Variants in MAP7D2 observed in about 807,000 individuals in gnomAD.
MAP7D2 encodes MAP7 domain containing 2, also known as MAP7 domain-containing protein 2.
A neutral mutation model predicts 63.5 loss-of-function variants in MAP7D2; 33 were observed. The ratio of observed to expected loss-of-function variants is 0.52; its 90% CI spans 0.39 to 0.70. MAP7D2 has a LOEUF of 0.70. Among genes scored for constraint, MAP7D2 ranks in the 30% least tolerant of loss-of-function variants. MAP7D2 has a pLI of 0.00. For missense variants in MAP7D2, 626 were observed against 604.0 expected, an observed-to-expected ratio of 1.04 and a Z score of -0.38; for synonymous variants, 224 against 223.7, an observed-to-expected ratio of 1.00 and a Z score of -0.01.
chrX:20,042,613 C>G lies in MAP7D2; in HGVS notation c.896G>C (p.Arg299Pro). 8.3e-7 allele frequency: 1 copy of G among 1,211,548 alleles called. No homozygotes were observed. Among genetic ancestry groups the G allele is most frequent in the Non-Finnish European group, 1.1e-6 (1 of 895,400 alleles). Residue 299 changes from arginine to proline, a missense_variant, in exon 8 of 17, where the codon CGG (arginine) becomes CCG (proline). Coordinates refer to ENST00000379643, the MANE Select transcript of MAP7D2 (RefSeq NM_001168465.2). The stretch of plus-strand genomic sequence containing the variant: ...AAGAGAAGTTGCTGTTCGTTGCCCC[C>G]GCTTCACCTTCTCCACCTGTAGGGG... ...GEASLVEKVKRGQRTATSLPV... is the reference protein window; with the variant it reads ...GEASLVEKVKPGQRTATSLPV...
chrX:20,116,568 G>C, intron 1 of MAP7D2, 182 bp downstream of exon 1: 1 of 952,214 alleles, frequency 1.1e-6, no homozygotes, highest in South Asian at 4.9e-5. Flanking sequence ...CACTCGCACA[G>C]AGAGGGGTGC....
intron 1 of MAP7D2, among the ~76,000 whole-genome samples, chrX:20,098,559 G>A (rs769403761): frequency 9.1e-6 from 1 of 110,425 alleles, no homozygotes; most frequent in African/African-American, 3.3e-5. Flanking sequence ...CTACACGGTG[G>A]GGGGGGGAGC....
chrX:20,051,891 A>G (rs2064961271), intron 5 of MAP7D2, among the ~76,000 whole-genome samples: 1 of 112,442 alleles, frequency 8.9e-6, no homozygotes, highest in Non-Finnish European at 1.9e-5. Flanking sequence ...TATGGCAATG[A>G]ATTAACTTTT....
In MAP7D2 at chrX:20,033,441, G is replaced by C. The variant is rs754951368; in HGVS notation, c.1008-7489C>G. Among the ~76,000 whole-genome samples the C allele has an allele frequency of 6.2e-5, 7 of 112,167 alleles. No homozygotes were observed. The South Asian group carries it at 2.6e-3, about 42-fold the overall frequency. ...GGCCACACTGGATTTCTTTTCTCTA[G>C]GTTATGGGAACAAAGCTATGCTCCA... On this transcript the variant is annotated intron_variant, in intron 8 of 16. Coordinates refer to ENST00000379643, the MANE Select transcript of MAP7D2 (RefSeq NM_001168465.2).
intron 3 of MAP7D2, 47 bp from the exon 4 acceptor site, chrX:20,056,838 C>T (rs747963082): frequency 4.4e-5 from 48 of 1,083,448 alleles, no homozygotes; most frequent in Non-Finnish European, 5.7e-5. Flanking sequence ...AACTACCCAG[C>T]CCCACCACAC....
chrX:20,012,550 A>G lies in MAP7D2; in HGVS notation c.1886-15T>C. On this transcript the variant is annotated splice_polypyrimidine_tract_variant and intron_variant, in intron 14 of 16. Coordinates refer to ENST00000379643, the MANE Select transcript of MAP7D2 (RefSeq NM_001168465.2). ...TCCATTGATTTCTGATCGAGAACAC[A>G]AAGTCCCTTGTGTTAATCATAAAAT... is the stretch of plus-strand genomic sequence containing the variant. The G allele has an allele frequency of 8.7e-7, 1 of 1,151,896 alleles. No individual in the cohort carries two copies. Among genetic ancestry groups the G allele is most frequent in the Non-Finnish European group, 1.2e-6 (1 of 860,216 alleles). The allele number at this position is 1,151,896 out of a possible 1,213,427, so 94.9% of individuals were successfully genotyped here. A position where few individuals can be genotyped will look rare whatever the true frequency, so the allele number is the denominator to read the frequency against.
intron 1 of MAP7D2, among the ~76,000 whole-genome samples, chrX:20,084,196 C>CAA (rs112492302): frequency 7.1e-5 from 4 of 56,337 alleles, no homozygotes; most frequent in Non-Finnish European, 7.7e-5. Context: ...GCAAGACTCA[C>CAA]AAAAAAAAAA....
At chrX:20,017,991 C>T (rs2073470571) in intron 10 of MAP7D2, among the ~76,000 whole-genome samples, 1 of 86,217 alleles carries the variant, frequency 1.2e-5, no homozygotes, top group African/African-American at 4.6e-5. Flanking sequence ...TTTTTGATGG[C>T]GTTTCACTGT....
At chrX:20,059,480 A>C (rs1842694090) in intron 3 of MAP7D2, among the ~76,000 whole-genome samples, 1 of 111,262 alleles carries the variant, frequency 9.0e-6, no homozygotes, top group African/African-American at 3.3e-5. Context: ...ATTCCTGCCA[A>C]GTTCTGGTTC....
At chrX:20,053,583 T>C (rs1329654553) in intron 4 of MAP7D2, among the ~76,000 whole-genome samples, 1 of 111,451 alleles carries the variant, frequency 9.0e-6, no homozygotes, top group Non-Finnish European at 1.9e-5. Flanking sequence ...TGTTTGAGGT[T>C]AGCATTTTAA....
At chrX:20,042,694 T>C in intron 7 of MAP7D2, 65 bp from the exon 8 acceptor site, 1 of 1,140,044 alleles carries the variant, frequency 8.8e-7, no homozygotes. Context: ...ATAAGACTAA[T>C]ACCCCAGATG....
intron 10 of MAP7D2, chrX:20,021,511 T>G (rs933797900): frequency 9.0e-6 from 1 of 111,530 alleles, no homozygotes; most frequent in African/African-American, 3.3e-5. Context: ...CCTTCCTCAC[T>G]CCTCACCTCC....
At chrX:20,028,827 C>T (rs771251571) in intron 8 of MAP7D2, among the ~76,000 whole-genome samples, 9 of 111,930 alleles carry the variant, frequency 8.0e-5, no homozygotes, top group African/African-American at 2.6e-4. Flanking sequence ...TGAAACTTGG[C>T]GATAGAGGCT....
At chrX:20,058,911 A>G (rs1055229381) in intron 3 of MAP7D2, among the ~76,000 whole-genome samples, 2 of 111,960 alleles carry the variant, frequency 1.8e-5, no homozygotes, top group Non-Finnish European at 3.8e-5. Flanking sequence ...GTTTGTGTGT[A>G]CCTTTTTGTT....
intron 1 of MAP7D2, among the ~76,000 whole-genome samples, chrX:20,095,578 T>TAGGTCA (rs1398253287): frequency 9.1e-6 from 1 of 110,371 alleles, no homozygotes; most frequent in Admixed American, 9.7e-5. Context: ...GGGTCAAACA[T>TAGGTCA]AGCATTTCTA....
chrX:20,061,535 G>C (rs2065225853), intron 3 of MAP7D2, among the ~76,000 whole-genome samples: 1 of 112,424 alleles, frequency 8.9e-6, no homozygotes, highest in African/African-American at 3.2e-5. Flanking sequence ...AGGGAACCAA[G>C]CTCAGCTTGG....
At chrX:20,015,134 C>A in intron 12 of MAP7D2, 89 bp downstream of exon 12, 1 of 672,043 alleles carries the variant, frequency 1.5e-6, no homozygotes, top group South Asian at 2.5e-5. Context: ...ACTGACAATC[C>A]TAGGATCATT....
chrX:20,023,270 C>T (rs1466654221), intron 10 of MAP7D2, among the ~76,000 whole-genome samples: 1 of 112,600 alleles, frequency 8.9e-6, no homozygotes, highest in Non-Finnish European at 1.9e-5. Context: ...AAATGTGGGC[C>T]CTAAATCTTT....
At chrX:20,044,724 G>A (rs1370720248) in intron 6 of MAP7D2, among the ~76,000 whole-genome samples, 200 bp from the exon 7 acceptor site, 1 of 111,579 alleles carries the variant, frequency 9.0e-6, no homozygotes, top group Admixed American at 9.5e-5. Flanking sequence ...TATTTCAGGG[G>A]TTAAAAGTCT....
Sources: gnomAD v4.1 joint callset for allele counts (sites outside exome capture counted in the v4.1 genomes callset) on GRCh38, gnomAD v4.1.1 for gene constraint, MANE v1.5 for transcripts, NCBI Gene and HGNC (gene_info 2026-07-23, HGNC 2026-07-21) for gene names.